The following PPEF1 variants were observed in gnomAD, a reference collection of about 807,000 sequenced individuals.
PPEF1 encodes the protein protein phosphatase with EF-hand domain 1.
In PPEF1, 12 loss-of-function variants were observed where a neutral mutation model predicts 53.3. That is an observed-to-expected ratio of 0.23 (90% confidence interval 0.14 to 0.36). The LOEUF is 0.36. Ranked by LOEUF, PPEF1 falls within the 10% of genes least tolerant of loss-of-function variation. The pLI is 1.00. For synonymous variants in PPEF1, 165 were observed against 176.7 expected (o/e 0.93, Z 0.52); for missense variants, 334 against 490.4 (o/e 0.68, Z 3.01).
intron 10 of PPEF1, among the ~76,000 whole-genome samples, chrX:18,795,349 G>A (rs983742593): frequency 4.5e-5 from 5 of 112,080 alleles, no homozygotes; most frequent in African/African-American, 1.6e-4. Context: ...TTGTTTCACT[G>A]GGGAGAGGGT....
intron 13 of PPEF1, among the ~76,000 whole-genome samples, chrX:18,822,268 C>T (rs2047077000): frequency 9.1e-6 from 1 of 109,693 alleles, no homozygotes; most frequent in Non-Finnish European, 1.9e-5. Flanking sequence ...GTTCTTCCTG[C>T]ACTGTCTACT....
intron 6 of PPEF1, among the ~76,000 whole-genome samples, chrX:18,776,889 C>T (rs2045977709): frequency 8.9e-6 from 1 of 112,005 alleles, no homozygotes; most frequent in African/African-American, 3.2e-5. Flanking sequence ...CATTGCACTC[C>T]AGCCTGGGCA....
At chrX:18,675,169 C>T (rs752230680), upstream of PPEF1, among the ~76,000 whole-genome samples, 7 of 113,071 alleles carry the variant, frequency 6.2e-5, no homozygotes, top group Non-Finnish European at 1.3e-4. Flanking sequence ...GCCCCTGGGA[C>T]CAGGGCGAGG....
intron 12 of PPEF1, among the ~76,000 whole-genome samples, chrX:18,809,105 A>G (rs5909249): frequency 0.33 from 16,251 of 49,246 alleles, 1,031 homozygotes; most frequent in Admixed American, 0.39. Flanking sequence ...CTATCTATCT[A>G]TCTATCTATC....
intron 12 of PPEF1, among the ~76,000 whole-genome samples, chrX:18,817,419 G>A (rs2046942934): frequency 9.1e-6 from 1 of 110,063 alleles, no homozygotes; most frequent in South Asian, 3.9e-4. Flanking sequence ...TCAGCTCACT[G>A]CAACCTCCGC....
intron 3 of PPEF1, among the ~76,000 whole-genome samples, chrX:18,748,780 T>C (rs2045379587): frequency 9.0e-6 from 1 of 111,404 alleles, no homozygotes; most frequent in South Asian, 3.8e-4. Flanking sequence ...GCCTAGGCTT[T>C]GTGGTAGTGG....
At chrX:18,745,810 G>A (rs1375344555) in intron 3 of PPEF1, among the ~76,000 whole-genome samples, 1 of 112,305 alleles carries the variant, frequency 8.9e-6, no homozygotes, top group East Asian at 2.8e-4. Context: ...TTTATGAAAT[G>A]TCATTTTGGC....
At chrX:18,734,093 C>T (rs759667038) in intron 3 of PPEF1, among the ~76,000 whole-genome samples, 1 of 108,937 alleles carries the variant, frequency 9.2e-6, no homozygotes, top group East Asian at 2.8e-4. Flanking sequence ...TACAATCTAT[C>T]GGTACACAAC....
At chrX:18,793,042 C>T (rs747927617) in intron 10 of PPEF1, among the ~76,000 whole-genome samples, 2 of 108,535 alleles carry the variant, frequency 1.8e-5, no homozygotes, top group Non-Finnish European at 3.8e-5. Flanking sequence ...GCCTCATAAT[C>T]TTTATCATTT....
chrX:18,685,348 C>A (rs761685962), intron 2 of PPEF1, among the ~76,000 whole-genome samples: 2 of 112,107 alleles, frequency 1.8e-5, no homozygotes, highest in Non-Finnish European at 3.8e-5. Context: ...CATTTAGAGG[C>A]TATCTGCATG....
At chrX:18,794,214 CTG>C (rs1195911173) in intron 10 of PPEF1, among the ~76,000 whole-genome samples, 3 of 113,318 alleles carry the variant, frequency 2.6e-5, no homozygotes, top group African/African-American at 9.6e-5. Context: ...CTTTTCTCAT[CTG>C]TGTCTTTCCC....
chrX:18,772,371 T>C (rs1569261116), intron 6 of PPEF1, among the ~76,000 whole-genome samples: 2 of 111,668 alleles, frequency 1.8e-5, no homozygotes, highest in Admixed American at 9.6e-5. Flanking sequence ...TATTCTCTTA[T>C]TTGTAATACA....
In PPEF1 at chrX:18,754,781, G is replaced by A. The variant is rs537355944; in HGVS notation, c.397-2846G>A. On this transcript the variant is annotated intron_variant, in intron 4 of 15. Coordinates refer to ENST00000470157, the MANE Select transcript of PPEF1 (RefSeq NM_001377996.1). ...CCCAGTTAATTTTTTATTAGCTTTT[G>A]GTAGAGACAAGTTTTCACTGTGTTG... Among the ~76,000 whole-genome samples the A allele has an allele frequency of 2.7e-5, 3 of 111,356 alleles. No individual in the cohort carries two copies. The Admixed American group carries it at 2.9e-4, about 11-fold the overall frequency.
intron 1 of PPEF1, among the ~76,000 whole-genome samples, chrX:18,711,070 GTA>G (rs1166910658): frequency 8.5e-5 from 7 of 82,098 alleles, no homozygotes; most frequent in Admixed American, 1.8e-4. Flanking sequence ...ATATATATAT[GTA>G]TATATATGTG....
At chrX:18,692,864 A>AT (rs944273872) in intron 4 of PPEF1, among the ~76,000 whole-genome samples, 12 of 109,695 alleles carry the variant, frequency 1.1e-4, no homozygotes, top group Non-Finnish European at 1.3e-4. Flanking sequence ...TCTAAGATGC[A>AT]TTTTTTTTTC....
intron 6 of PPEF1, among the ~76,000 whole-genome samples, chrX:18,764,944 T>C (rs1159843850): frequency 1.8e-5 from 2 of 111,935 alleles, no homozygotes; most frequent in Non-Finnish European, 3.8e-5. Flanking sequence ...TCTGCAAAAC[T>C]ATATGGAACA....
At chrX:18,803,022 C>T (rs955664296) in intron 10 of PPEF1, among the ~76,000 whole-genome samples, 4 of 111,770 alleles carry the variant, frequency 3.6e-5, no homozygotes, top group African/African-American at 1.3e-4. Context: ...AAGACACACA[C>T]AGAAATATAG....
chrX:18,814,270 T>C, intron 12 of PPEF1, among the ~76,000 whole-genome samples: 1 of 112,037 alleles, frequency 8.9e-6, no homozygotes, highest in Non-Finnish European at 1.9e-5. Context: ...TGATTCCGTG[T>C]TTTTGCTATT....
At chrX:18,773,790 G>A (rs778931203) in intron 6 of PPEF1, among the ~76,000 whole-genome samples, 2 of 111,121 alleles carry the variant, frequency 1.8e-5, no homozygotes, top group African/African-American at 6.5e-5. Context: ...CTCTCAATAA[G>A]ATAACTGTTT....
Sources: allele counts gnomAD v4.1 joint callset (sites outside exome capture counted in the v4.1 genomes callset), GRCh38; gene constraint gnomAD v4.1.1; transcripts MANE v1.5; gene names NCBI Gene and HGNC (gene_info 2026-07-23, HGNC 2026-07-21).